UNC5C: variants seen among roughly 807,000 people sequenced by gnomAD.
UNC5C encodes the protein netrin receptor UNC5C.
Under a neutral mutation model 99.8 loss-of-function variants are expected in UNC5C, and 47 were observed. The ratio of observed to expected loss-of-function variants is 0.47; its 90% confidence interval spans 0.37 to 0.60. UNC5C has a LOEUF of 0.60. Ranked by LOEUF, UNC5C falls within the 20% of genes least tolerant of loss-of-function variation. The pLI is 0.00. For missense variants in UNC5C, 1,062 were observed against 1,165.9 expected (o/e 0.91, Z 1.30); for synonymous variants, 487 against 452.2 (o/e 1.08, Z -0.98).
intron 3 of UNC5C, among the ~76,000 whole-genome samples, chr4:95,293,171 T>A (rs948760226): frequency 6.6e-6 from 1 of 152,082 alleles, no homozygotes; most frequent in African/African-American, 2.4e-5. Context: ...GCAGCCTATA[T>A]GTGGAATGAA....
intron 1 of UNC5C, among the ~76,000 whole-genome samples, chr4:95,422,634 T>C (rs1234730564): frequency 1.3e-5 from 2 of 152,214 alleles, no homozygotes; most frequent in Admixed American, 1.3e-4. Context: ...TTAACTGACT[T>C]GTTTTTTAAG....
intron 2 of UNC5C, among the ~76,000 whole-genome samples, chr4:95,328,060 TAA>T (rs377095897): frequency 0.039 from 3,966 of 100,848 alleles, 44 homozygotes; most frequent in Non-Finnish European, 0.044. Flanking sequence ...TTTTTTTTTT[TAA>T]TTTTTTTTTT....
chr4:95,367,047 G>A (rs943419033), intron 1 of UNC5C, among the ~76,000 whole-genome samples: 1 of 152,068 alleles, frequency 6.6e-6, no homozygotes, highest in African/African-American at 2.4e-5. Context: ...CTAAGACCCT[G>A]TCAATTAGGT....
At chr4:95,521,742 A>C (rs985929407) in intron 1 of UNC5C, among the ~76,000 whole-genome samples, 1 of 152,214 alleles carries the variant, frequency 6.6e-6, no homozygotes, top group Non-Finnish European at 1.5e-5. Flanking sequence ...ACCTTCCAAA[A>C]TACTTGCCAA....
intron 1 of UNC5C, among the ~76,000 whole-genome samples, chr4:95,507,447 T>C (rs1056422149): frequency 1.3e-5 from 2 of 152,072 alleles, no homozygotes; most frequent in Admixed American, 6.6e-5. Context: ...TTTACAGTGT[T>C]GCATGTCATC....
chr4:95,420,760 T>C (rs545892052), intron 1 of UNC5C, among the ~76,000 whole-genome samples: 4 of 152,218 alleles, frequency 2.6e-5, no homozygotes, highest in African/African-American at 9.6e-5. Context: ...AAAAGATACA[T>C]GAGACTCAAA....
At chr4:95,510,940 A>C (rs1722054829) in intron 1 of UNC5C, among the ~76,000 whole-genome samples, 1 of 152,258 alleles carries the variant, frequency 6.6e-6, no homozygotes, top group South Asian at 2.1e-4. Context: ...AGACAATTAA[A>C]GTCTTCTTCA....
chr4:95,486,885 T>C (rs1721342207), intron 1 of UNC5C, among the ~76,000 whole-genome samples: 1 of 151,696 alleles, frequency 6.6e-6, no homozygotes, highest in Non-Finnish European at 1.5e-5. Flanking sequence ...TCCAATGCAA[T>C]GGTTGGGAGG....
intron 4 of UNC5C, among the ~76,000 whole-genome samples, chr4:95,277,281 T>C (rs545775017): frequency 6.6e-6 from 1 of 152,140 alleles, no homozygotes; most frequent in Non-Finnish European, 1.5e-5. Context: ...ACACATGCAA[T>C]AGAGAGTAAA....
intron 4 of UNC5C, among the ~76,000 whole-genome samples, chr4:95,266,476 G>A (rs942691342): frequency 3.3e-5 from 5 of 152,162 alleles, no homozygotes; most frequent in Non-Finnish European, 5.9e-5. Context: ...ACAGTATATG[G>A]TATGTTCCCA....
intron 2 of UNC5C, among the ~76,000 whole-genome samples, chr4:95,333,251 G>A (rs572484039): frequency 6.6e-6 from 1 of 152,208 alleles, no homozygotes; most frequent in South Asian, 2.1e-4. Flanking sequence ...AAATCATGCT[G>A]CTATAAAGAC....
intron 1 of UNC5C, among the ~76,000 whole-genome samples, chr4:95,480,624 T>C (rs1451775855): frequency 6.6e-6 from 1 of 151,520 alleles, no homozygotes; most frequent in African/African-American, 2.4e-5. Flanking sequence ...TAGCCCTTGA[T>C]AAGAATCCAG....
intron 1 of UNC5C, among the ~76,000 whole-genome samples, chr4:95,371,431 G>T (rs1055044639): frequency 2.0e-4 from 14 of 69,490 alleles, no homozygotes; most frequent in Non-Finnish European, 2.9e-4. Context: ...TGTGGGGGGG[G>T]GGGAGTATCA....
chr4:95,364,550 T>C (rs763142929), intron 1 of UNC5C, among the ~76,000 whole-genome samples: 1 of 152,162 alleles, frequency 6.6e-6, no homozygotes. Context: ...CCCTGTAAAA[T>C]GTATATGTAA....
intron 1 of UNC5C, among the ~76,000 whole-genome samples, chr4:95,375,392 A>G (rs1019271408): frequency 1.3e-5 from 2 of 152,186 alleles, no homozygotes; most frequent in African/African-American, 4.8e-5. Flanking sequence ...TAAAAAAATG[A>G]CAATGGATTA....
chr4:95,495,282 T>A (rs6532559), intron 1 of UNC5C, among the ~76,000 whole-genome samples: 1 of 151,260 alleles, frequency 6.6e-6, no homozygotes, highest in Non-Finnish European at 1.5e-5. Flanking sequence ...CTTTTATCAC[T>A]TGTAACTCTG....
intron 3 of UNC5C, among the ~76,000 whole-genome samples, chr4:95,287,186 C>T (rs1741267536): frequency 6.6e-6 from 1 of 152,180 alleles, no homozygotes; most frequent in South Asian, 2.1e-4. Context: ...GCATACATAA[C>T]ATTTCATAAA....
chr4:95,172,095 T>A lies in UNC5C; in HGVS notation c.2452-1763A>T, dbSNP rs1202178101. On this transcript the variant is annotated intron_variant, in intron 14 of 15. Coordinates refer to ENST00000453304, the MANE Select transcript of UNC5C (RefSeq NM_003728.4). ...ACTTTTTGATGGGGTTGTTTGTTTT[T>A]TTCTTGTAAATTTGTTTGAGTTCAT... Among the ~76,000 whole-genome samples the A allele has an allele frequency of 2.7e-5, 4 of 148,836 alleles. No individual in the cohort carries two copies. In the East Asian group the frequency reaches 7.9e-4, roughly 29 times the overall value.
intron 12 of UNC5C, among the ~76,000 whole-genome samples, chr4:95,199,512 A>G (rs915797864): frequency 6.6e-6 from 1 of 152,230 alleles, no homozygotes; most frequent in Admixed American, 6.5e-5. Context: ...AGCATTGACC[A>G]TGATACAAAC....
Sources: allele counts gnomAD v4.1 joint callset (sites outside exome capture counted in the v4.1 genomes callset), GRCh38; gene constraint gnomAD v4.1.1; transcripts MANE v1.5; gene names NCBI Gene and HGNC (gene_info 2026-07-23, HGNC 2026-07-21).